MYOT: variants seen among roughly 807,000 people sequenced by gnomAD.
MYOT encodes myotilin, also known as 57 kDa cytoskeletal protein.
A neutral mutation model predicts 58.0 loss-of-function variants in MYOT; 36 were observed. The ratio of observed to expected loss-of-function variants is 0.62; its 90% CI spans 0.48 to 0.82. MYOT has a LOEUF of 0.82. Ranked by LOEUF, MYOT falls within the 40% of genes least tolerant of loss-of-function variation. MYOT has a pLI of 0.00. For missense variants in MYOT, 505 were observed against 592.1 expected (o/e 0.85, Z 1.53); for synonymous variants, 218 against 204.6 (o/e 1.07, Z -0.56).
chr5:137,885,811 T>C (rs537686667), intron 7 of MYOT, among the ~76,000 whole-genome samples: 111 of 148,332 alleles, frequency 7.5e-4, no homozygotes, highest in South Asian at 2.2e-3. Context: ...AGAATATGAC[T>C]TTAGTTTGAA....
intron 3 of MYOT, 124 bp from the exon 4 acceptor site, chr5:137,877,396 A>C: frequency 5.0e-6 from 3 of 601,016 alleles, no homozygotes; most frequent in Non-Finnish European, 5.9e-6. Context: ...AAAAAATAGA[A>C]TCTATCATTC....
At chr5:137,879,045 C>T (rs1427377878) in intron 4 of MYOT, among the ~76,000 whole-genome samples, 3 of 152,024 alleles carry the variant, frequency 2.0e-5, no homozygotes, top group Non-Finnish European at 4.4e-5. Flanking sequence ...AAGTGATTCT[C>T]GTGCCTCAGA....
intron 4 of MYOT, chr5:137,880,493 C>T (rs1580860270): frequency 1.0e-5 from 3 of 293,002 alleles, no homozygotes; most frequent in African/African-American, 6.6e-5. Flanking sequence ...ACTCTGTGCT[C>T]CCATTTCAAA....
At chr5:137,880,098 C>A (rs1474245250) in intron 4 of MYOT, among the ~76,000 whole-genome samples, 1 of 152,142 alleles carries the variant, frequency 6.6e-6, no homozygotes, top group African/African-American at 2.4e-5. Flanking sequence ...CTTTGTATCT[C>A]CCACTGTGCT....
rs941481757 is a variant in MYOT, at chr5:137,868,540, T to C, written c.-212+587T>C. Among the ~76,000 whole-genome samples, 51 of 152,208 alleles carry C rather than the reference T, an allele frequency of 3.4e-4. 2 individuals are homozygous for C. The highest frequency in any genetic ancestry group is 3.3e-3 in the Admixed American group (50 of 15,274). On this transcript the variant is annotated intron_variant, in intron 1 of 9. Transcript: ENST00000239926. ...AACTTATGAAATAACATATTTTTAA[T>C]TGGGCTTTTAAAAATATCACTAATT...
rs4835657 is a variant in MYOT at position 137,887,379 on chromosome 5, A to G, written c.1491A>G (p.Glu497=). 1.2e-6 allele frequency: 2 copies of G among 1,613,816 alleles called. No individual in the cohort carries two copies. The highest frequency in any genetic ancestry group is 2.7e-5 in the African/African-American group (2 of 74,928). ...AATCTGGACTCTATGAAAGTGAAGA[A>G]CTTTAATAACTTTACCAACATTGGA... ...AAQSGLYESE[E]L Residue 497 remains glutamate (E), a synonymous_variant, in exon 10 of 10, where the codon GAA becomes GAG. Coordinates refer to ENST00000239926, the MANE Select transcript of MYOT (RefSeq NM_006790.3).
intron 7 of MYOT, among the ~76,000 whole-genome samples, chr5:137,884,265 G>A (rs1469424615): frequency 1.3e-5 from 2 of 152,142 alleles, no homozygotes; most frequent in African/African-American, 4.8e-5. Context: ...TAAGGCAGGA[G>A]GATAACTTGA....
Position 137,875,881 on chromosome 5 carries a change from G to A in MYOT, c.409G>A (p.Ala137Thr), listed in dbSNP as rs778201315. 4.0e-5 allele frequency: 64 copies of A among 1,613,856 alleles called. No homozygotes were observed. Among genetic ancestry groups the A allele is most frequent in the Non-Finnish European group, 5.4e-5 (64 of 1,179,974 alleles). ...TATAAATGCAAAGCCATCCCAAACTGCAAATGCTAAGCCCATACCAAGAAC... is the reference window on the plus strand; with the variant it reads ...TATAAATGCAAAGCCATCCCAAACTACAAATGCTAAGCCCATACCAAGAAC... ...QPINAKPSQT[A>T]NAKPIPRTPD... Residue 137 changes from alanine (A) to threonine (T), a missense_variant, in exon 3 of 10, where the codon GCA becomes ACA. By Grantham distance (58) the Ala-to-Thr change is moderately conservative. Transcript: ENST00000239926.
chr5:137,883,348 T>C (rs774534175), intron 6 of MYOT, 36 bp from the exon 7 acceptor site: 2 of 1,559,538 alleles, frequency 1.3e-6, no homozygotes, highest in East Asian at 2.2e-5. Flanking sequence ...TGCAATACTT[T>C]AAAATTCTGC....
In MYOT at chr5:137,883,511, C is replaced by A; in HGVS notation, c.944C>A (p.Ala315Asp). The A allele has an allele frequency of 6.2e-7, 1 of 1,614,140 alleles. No homozygotes were observed. ...LHSLIFEVVRASDAGAYACVA... is the reference protein window; with the variant it reads ...LHSLIFEVVRDSDAGAYACVA... Reference sequence around the variant, plus strand: ...TCACTCATCTTTGAAGTAGTCAGAGCTTCAGATGCAGGGGCTTATGCATGT... The same window carrying A: ...TCACTCATCTTTGAAGTAGTCAGAGATTCAGATGCAGGGGCTTATGCATGT... Residue 315 changes from alanine (A) to aspartate (D), a missense_variant, in exon 7 of 10, where the codon GCT becomes GAT. By Grantham distance (126) the Ala-to-Asp change is moderately radical (BLOSUM62 -2). Transcript: ENST00000239926.
At chr5:137,879,688 C>CTTT (rs1187720466) in intron 4 of MYOT, among the ~76,000 whole-genome samples, 8 of 94,482 alleles carry the variant, frequency 8.5e-5, no homozygotes, top group Admixed American at 1.1e-4. Flanking sequence ...CCACACCCGG[C>CTTT]TTTTTTTTTT....
In MYOT at chr5:137,870,632, C is replaced by T. The variant is rs895776356; in HGVS notation, c.-20C>T. 1.5e-5 allele frequency: 24 copies of T among 1,603,632 alleles called. No individual in the cohort carries two copies. Among genetic ancestry groups the T allele is most frequent in the South Asian group, 2.2e-5 (2 of 90,872 alleles). On this transcript the variant is annotated 5_prime_UTR_variant, in exon 2 of 10. Transcript: ENST00000239926. ...CATTATAGTAATAATTTGCCTTCAT[C>T]TTCCATATACCAACTAAGCATGTTT...
intron 3 of MYOT, among the ~76,000 whole-genome samples, chr5:137,876,876 A>G (rs1488287943): frequency 6.6e-6 from 1 of 152,128 alleles, no homozygotes; most frequent in Non-Finnish European, 1.5e-5. Flanking sequence ...ATTCAAAAAC[A>G]AAGCTGACTG....
At chr5:137,877,720 G>A in intron 4 of MYOT, 99 bp downstream of exon 4, 1 of 875,254 alleles carries the variant, frequency 1.1e-6, no homozygotes, top group East Asian at 2.5e-5. Flanking sequence ...ATAAAAGTCG[G>A]TCAGTTCCAT....
intron 3 of MYOT, 86 bp downstream of exon 3, chr5:137,876,089 G>C: frequency 1.5e-6 from 2 of 1,329,344 alleles, no homozygotes; most frequent in Non-Finnish European, 2.1e-6. Flanking sequence ...ACAGATCTAG[G>C]TCCATATATC....
intron 1 of MYOT, 55 bp from the exon 2 acceptor site, chr5:137,870,386 T>G: frequency 1.8e-6 from 1 of 548,698 alleles, no homozygotes; most frequent in Non-Finnish European, 3.3e-6. Context: ...AGATGTCAAA[T>G]AAACAATGTT....
Position 137,877,773 on chromosome 5 carries a change from A to G in MYOT, c.633+152A>G, listed in dbSNP as rs552211270. ...AAGAGGCCATGATAAACATATATAC[A>G]TAATTTTACCACATTTTACCCCATT... On this transcript the variant is annotated intron_variant, in intron 4 of 9. Transcript: ENST00000239926. 20 of 646,346 alleles carry G rather than the reference A, an allele frequency of 3.1e-5. No individual in the cohort carries two copies. In the South Asian group the frequency reaches 3.2e-4, roughly 10 times the overall value. The allele number at this position is 646,346 out of a possible 1,614,324, so 40.0% of individuals were successfully genotyped here.
rs1401654297 is a variant in MYOT, at chr5:137,881,971, A to T, written c.684-2A>T. 1 of 1,613,658 alleles carries T rather than the reference A, an allele frequency of 6.2e-7. No individual in the cohort carries two copies. The highest frequency in any genetic ancestry group is 1.7e-5 in the Admixed American group (1 of 60,026). ...ATAGTTGTTACCAAAATATTCTTGT[A>T]GAAGTAGATCAACCTCAAGGGGAGA... On this transcript the variant is annotated splice_acceptor_variant, in intron 5 of 9. Coordinates refer to ENST00000239926, the MANE Select transcript of MYOT (RefSeq NM_006790.3). LOFTEE classifies it high-confidence loss of function.
rs1296116555 is a variant in MYOT, at chr5:137,886,851, A to T, written c.1191-13A>T. The T allele has an allele frequency of 6.5e-7, 1 of 1,528,748 alleles. No individual in the cohort carries two copies. Among genetic ancestry groups the T allele is most frequent in the Non-Finnish European group, 9.1e-7 (1 of 1,103,372 alleles). The allele number at this position is 1,528,748 out of a possible 1,614,324, so 94.7% of individuals were successfully genotyped here. On this transcript the variant is annotated splice_polypyrimidine_tract_variant and intron_variant, in intron 8 of 9. Transcript: ENST00000239926. ...ATTCCTGTACTTTCATTTCTTAAAA[A>T]TTTTTATTTCAGCTTATATCAAGAT... is the stretch of plus-strand genomic sequence containing the variant.
Sources: allele counts gnomAD v4.1 joint callset (sites outside exome capture counted in the v4.1 genomes callset), GRCh38; gene constraint gnomAD v4.1.1; transcripts MANE v1.5; gene names NCBI Gene and HGNC (gene_info 2026-07-23, HGNC 2026-07-21).